Variants in PBRM1 observed in about 807,000 individuals in gnomAD.
PBRM1 encodes polybromo 1.
In PBRM1, 27 loss-of-function variants were observed where a neutral mutation model predicts 194.5. The ratio of observed to expected loss-of-function variants is 0.14; its 90% CI spans 0.10 to 0.19. The LOEUF (loss-of-function observed/expected upper bound fraction) is 0.19. Among genes scored for constraint, PBRM1 ranks in the 10% least tolerant of loss-of-function variants. The probability of loss-of-function intolerance (pLI) is 1.00; values close to 1 mark genes in which losing one functional copy is unlikely to be tolerated. For missense variants in PBRM1, 1,466 were observed against 2,077.2 expected, an observed-to-expected ratio of 0.71 and a Z score of 5.72; for synonymous variants, 655 against 693.2, an observed-to-expected ratio of 0.94 and a Z score of 0.87.
intron 10 of PBRM1, among the ~76,000 whole-genome samples, chr3:52,636,135 T>G (rs564942268): frequency 2.0e-5 from 3 of 152,000 alleles, no homozygotes; most frequent in African/African-American, 7.2e-5. Flanking sequence ...CCTCCCAAAG[T>G]GCTGGGATTA....
exon 23 of PBRM1, chr3:52,564,082 A>G: frequency 6.2e-7 from 1 of 1,613,598 alleles, no homozygotes; most frequent in South Asian, 1.1e-5. Context: ...CTACCACTTT[A>G]GCAGAGAGTG....
At chr3:52,596,222 G>A (rs1214180231) in intron 17 of PBRM1, among the ~76,000 whole-genome samples, 1 of 151,582 alleles carries the variant, frequency 6.6e-6, no homozygotes, top group Non-Finnish European at 1.5e-5. Flanking sequence ...GGTGGATCAC[G>A]AGGTCAAGAG....
chr3:52,662,338 C>G, intron 3 of PBRM1, 62 bp from the exon 5 acceptor site: 2 of 1,414,200 alleles, frequency 1.4e-6, no homozygotes, highest in Non-Finnish European at 1.9e-6. Flanking sequence ...TTAGTTGCTA[C>G]TTTTAAAGCA....
intron 17 of PBRM1, among the ~76,000 whole-genome samples, chr3:52,596,561 G>A (rs2093581408): frequency 6.8e-6 from 1 of 146,844 alleles, no homozygotes. Context: ...AGCAGGTGAT[G>A]AATTCTACCA....
At chr3:52,617,924 T>TTA (rs2095050882) in intron 13 of PBRM1, among the ~76,000 whole-genome samples, 1 of 152,172 alleles carries the variant, frequency 6.6e-6, no homozygotes, top group Non-Finnish European at 1.5e-5. Context: ...TTCTCTACGG[T>TTA]TATAATATCC....
chr3:52,602,328 T>C (rs571692212), intron 17 of PBRM1, among the ~76,000 whole-genome samples: 36 of 152,330 alleles, frequency 2.4e-4, no homozygotes, highest in Admixed American at 2.4e-3. Flanking sequence ...AGCCAATGAC[T>C]TAGGTGAAGT....
At chr3:52,639,151 T>C (rs975341240) in intron 10 of PBRM1, among the ~76,000 whole-genome samples, 4 of 151,886 alleles carry the variant, frequency 2.6e-5, no homozygotes, top group African/African-American at 7.3e-5. Context: ...TATGTATTTA[T>C]AGTAGAGACA....
At chr3:52,642,439 A>T (rs1055846107) in intron 9 of PBRM1, among the ~76,000 whole-genome samples, 1 of 151,938 alleles carries the variant, frequency 6.6e-6, no homozygotes, top group Non-Finnish European at 1.5e-5. Context: ...ACATGGTGAA[A>T]CCCCATCTCT....
intron 22 of PBRM1, among the ~76,000 whole-genome samples, chr3:52,575,999 T>C (rs1383939751): frequency 6.6e-6 from 1 of 151,918 alleles, no homozygotes; most frequent in Non-Finnish European, 1.5e-5. Flanking sequence ...AGAGGATGAA[T>C]GCACCTGAAG....
intron 20 of PBRM1, among the ~76,000 whole-genome samples, chr3:52,583,023 G>A (rs907179449): frequency 1.4e-5 from 2 of 143,376 alleles, no homozygotes; most frequent in African/African-American, 5.3e-5. Context: ...TGTGAACCCC[G>A]AAGATGGAGC....
rs567887701 is a variant in PBRM1 at position 52,665,467 on chromosome 3, T to C, written c.384+3031A>G. On this transcript the variant is annotated intron_variant, in intron 3 of 29. Transcript: ENST00000296302. ...GCATGAGCCATCATGCCTGGCTGAA[T>C]AGTATTTTATGGCAGGGGTCCCCAA... Among the ~76,000 whole-genome samples, 8 of 152,162 alleles carry C rather than the reference T, an allele frequency of 5.3e-5. No homozygotes were observed. In the South Asian group the frequency reaches 1.5e-3, roughly 28 times the overall value.
chr3:52,668,293 T>A (rs1208056018), intron 3 of PBRM1, among the ~76,000 whole-genome samples: 3 of 152,164 alleles, frequency 2.0e-5, no homozygotes, highest in African/African-American at 7.2e-5. Flanking sequence ...CAAGACCCTG[T>A]CTCAAAAGAT....
chr3:52,550,025 C>T (rs374215260), intron 29 of PBRM1, among the ~76,000 whole-genome samples: 3 of 152,274 alleles, frequency 2.0e-5, no homozygotes, highest in African/African-American at 7.2e-5. Context: ...TGAGACCAGC[C>T]TGGCTGATAT....
In PBRM1 at chr3:52,668,495, T is replaced by C; in HGVS notation, c.384+3A>G. 6.3e-7 allele frequency: 1 copy of C among 1,585,686 alleles called. No individual in the cohort carries two copies. The highest frequency in any genetic ancestry group is 8.6e-7 in the Non-Finnish European group (1 of 1,168,790). On this transcript the variant is annotated splice_donor_region_variant and intron_variant, in intron 3 of 29. Coordinates refer to ENST00000296302, the Ensembl canonical transcript of PBRM1. ...TATCTTTCCAAATTTCATAATTTCT[T>C]ACCTTATAATAGGACTTTGCATTGT...
intron 6 of PBRM1, among the ~76,000 whole-genome samples, chr3:52,649,692 T>C (rs1173213353): frequency 6.6e-5 from 10 of 152,174 alleles, no homozygotes; most frequent in South Asian, 2.1e-4. Context: ...TTAGCAGGCA[T>C]TGGAAAACAA....
At chr3:52,645,727 G>C (rs2096272405) in intron 7 of PBRM1, among the ~76,000 whole-genome samples, 1 of 152,124 alleles carries the variant, frequency 6.6e-6, no homozygotes, top group South Asian at 2.1e-4. Flanking sequence ...TGTATATAGT[G>C]TGGATAGACT....
chr3:52,679,832 T>A, upstream of PBRM1: 1 of 785,076 alleles, frequency 1.3e-6, no homozygotes, highest in Non-Finnish European at 1.9e-6. Context: ...GAGGATATTT[T>A]AACGTGTTGT....
At chr3:52,545,983 G>A (rs575556401), downstream of PBRM1, 3 of 232,910 alleles carry the variant, frequency 1.3e-5, no homozygotes, top group South Asian at 1.8e-4. Flanking sequence ...AACTTAATTA[G>A]GGCCTGTCTA....
chr3:52,548,337 A>G (rs2079987593), intron 29 of PBRM1, 102 bp from the exon 32 acceptor site: 2 of 672,284 alleles, frequency 3.0e-6, no homozygotes, highest in Non-Finnish European at 4.7e-6. Context: ...AAAACATTGA[A>G]TATTTATTAA....
Sources: gnomAD v4.1 joint callset for allele counts (sites outside exome capture counted in the v4.1 genomes callset) on GRCh38, gnomAD v4.1.1 for gene constraint, MANE v1.5 for transcripts, NCBI Gene and HGNC (gene_info 2026-07-23, HGNC 2026-07-21) for gene names.